The following SORT1 variants were observed in gnomAD, a reference collection of about 807,000 sequenced individuals.
The protein encoded by SORT1 is sortilin 1.
SORT1 carries 39 observed loss-of-function variants against 101.7 expected under a neutral mutation model. The ratio of observed to expected loss-of-function variants is 0.38; its 90% CI spans 0.30 to 0.50. SORT1 has a LOEUF of 0.50. Among genes scored for constraint, SORT1 ranks in the 20% least tolerant of loss-of-function variants. The pLI, the probability that SORT1 is intolerant of heterozygous loss-of-function variation, is 0.90. For synonymous variants in SORT1, 396 were observed against 393.7 expected (o/e 1.01, Z -0.07); for missense variants, 878 against 1,040.4 (o/e 0.84, Z 2.15).
In SORT1 at chr1:109,312,776, TAG is replaced by T. The variant is rs1658802814; in HGVS notation, c.*1265_*1266del. 1 of 152,256 alleles carries T rather than the reference TAG, an allele frequency of 6.6e-6. No homozygotes were observed. Among genetic ancestry groups the T allele is most frequent in the African/African-American group, 2.4e-5 (1 of 41,458 alleles). The allele number at this position is 152,256 out of a possible 1,614,324, so 9.4% of individuals were successfully genotyped here. ...ACTACATTCTATAATTTATTTAATT[TAG>T]AGAGGTATCAAATGGAAAACTTCTT... On this transcript the variant is annotated 3_prime_UTR_variant, in exon 20 of 20. Coordinates refer to ENST00000256637, the MANE Select transcript of SORT1 (RefSeq NM_002959.7).
At chr1:109,354,591 T>C (rs985329148) in intron 4 of SORT1, 60 bp from the exon 5 acceptor site, 3 of 1,266,814 alleles carry the variant, frequency 2.4e-6, no homozygotes, top group Non-Finnish European at 3.3e-6. Context: ...AGCACAGGAG[T>C]TCTTACACCA....
intron 13 of SORT1, among the ~76,000 whole-genome samples, chr1:109,325,322 C>T (rs1570896570): frequency 6.9e-6 from 1 of 144,480 alleles, no homozygotes; most frequent in African/African-American, 2.5e-5. Context: ...ACTGCAACCT[C>T]TGCCTCCTGG....
At chr1:109,332,719 T>C (rs1024224429) in intron 11 of SORT1, among the ~76,000 whole-genome samples, 1 of 152,266 alleles carries the variant, frequency 6.6e-6, no homozygotes. Context: ...AAATATATTA[T>C]TGAGCTATAG....
At chr1:109,330,273 G>A (rs550742730) in intron 11 of SORT1, among the ~76,000 whole-genome samples, 75 of 152,278 alleles carry the variant, frequency 4.9e-4, no homozygotes, top group Non-Finnish European at 7.8e-4. Flanking sequence ...GATTATAGGC[G>A]TGAGCCAGTG....
rs1235781654 is a variant in SORT1, at chr1:109,312,575, G to C, written c.*1468C>G. On this transcript the variant is annotated 3_prime_UTR_variant, in exon 20 of 20. Coordinates refer to ENST00000256637, the MANE Select transcript of SORT1 (RefSeq NM_002959.7). Reference sequence around the variant, plus strand: ...CCACAAAATAAACTAGTAGCAAATGGTATCTACCAAAGAATGTCCCAGTCA... The same window carrying C: ...CCACAAAATAAACTAGTAGCAAATGCTATCTACCAAAGAATGTCCCAGTCA... 1 of 151,580 alleles carries C rather than the reference G, an allele frequency of 6.6e-6. No homozygotes were observed. Among genetic ancestry groups the C allele is most frequent in the African/African-American group, 2.4e-5 (1 of 41,154 alleles). 9.4% of individuals were successfully genotyped at this position (151,580 alleles called of 1,614,324 possible).
At chr1:109,331,486 T>C (rs75440991) in intron 11 of SORT1, among the ~76,000 whole-genome samples, 3,505 of 152,178 alleles carry the variant, frequency 0.023, 143 homozygotes, top group African/African-American at 0.079. Context: ...AACCCATTCA[T>C]GATAAAAACT....
At chr1:109,318,665 C>T (rs1647409239) in intron 15 of SORT1, among the ~76,000 whole-genome samples, 1 of 152,052 alleles carries the variant, frequency 6.6e-6, no homozygotes, top group South Asian at 2.1e-4. Flanking sequence ...TTCCCCCTCC[C>T]CGCTTTTTTT....
At chr1:109,328,456 C>T (rs1403414983) in intron 11 of SORT1, among the ~76,000 whole-genome samples, 1 of 152,148 alleles carries the variant, frequency 6.6e-6, no homozygotes, top group East Asian at 1.9e-4. Flanking sequence ...GTGGTTTTGA[C>T]TTGCATTTTC....
intron 6 of SORT1, among the ~76,000 whole-genome samples, chr1:109,348,924 G>A (rs1182406121): frequency 2.0e-5 from 3 of 151,988 alleles, no homozygotes; most frequent in South Asian, 2.1e-4. Flanking sequence ...AGCAGAGATC[G>A]TGCCACTACA....
intron 3 of SORT1, among the ~76,000 whole-genome samples, chr1:109,356,555 G>A (rs1240979721): frequency 6.6e-6 from 1 of 152,088 alleles, no homozygotes; most frequent in East Asian, 1.9e-4. Context: ...TGCTCCCAAA[G>A]GCTTCTAACT....
chr1:109,322,854 G>C, intron 15 of SORT1, 78 bp downstream of exon 15: 1 of 1,198,584 alleles, frequency 8.3e-7, no homozygotes, highest in African/African-American at 1.5e-5. Context: ...TTCAATATTT[G>C]TTAGCCCTAT....
chr1:109,336,172 A>C lies in SORT1; in HGVS notation c.1371+68T>G. 5 of 944,734 alleles carry C rather than the reference A, an allele frequency of 5.3e-6. No individual in the cohort carries two copies. The South Asian group carries it at 6.9e-5, about 13-fold the overall frequency. 58.5% of individuals were successfully genotyped at this position (944,734 alleles called of 1,614,324 possible). A position where few individuals can be genotyped will look rare whatever the true frequency, so the allele number is the denominator to read the frequency against. The stretch of plus-strand genomic sequence containing the variant: ...ATCAAGTATGAAACTTCATCATCCA[A>C]AAGGCTGGCACTGATCAGAGCACAA... On this transcript the variant is annotated intron_variant, in intron 11 of 19. Transcript: ENST00000256637.
chr1:109,380,887 G>C (rs987711282), intron 1 of SORT1, among the ~76,000 whole-genome samples: 1 of 150,722 alleles, frequency 6.6e-6, no homozygotes, highest in Non-Finnish European at 1.5e-5. Context: ...AGCTACTCAG[G>C]AGGCTGAGAT....
At chr1:109,351,682 G>A (rs1212955491) in intron 5 of SORT1, among the ~76,000 whole-genome samples, 1 of 152,208 alleles carries the variant, frequency 6.6e-6, no homozygotes. Flanking sequence ...GGACTCCAGG[G>A]TTTATTGCAT....
intron 4 of SORT1, 66 bp from the exon 5 acceptor site, chr1:109,354,597 C>T: frequency 8.7e-7 from 1 of 1,142,990 alleles, no homozygotes; most frequent in Non-Finnish European, 1.2e-6. Context: ...GGAGTTCTTA[C>T]ACCATTTTCA....
intron 8 of SORT1, among the ~76,000 whole-genome samples, chr1:109,343,586 C>T (rs1649374240): frequency 6.6e-6 from 1 of 152,132 alleles, no homozygotes; most frequent in Non-Finnish European, 1.5e-5. Context: ...ATTCATATAC[C>T]CAAATGCTCA....
At chr1:109,340,698 T>C in intron 10 of SORT1, 26 bp downstream of exon 10, 1 of 1,613,290 alleles carries the variant, frequency 6.2e-7, no homozygotes, top group South Asian at 1.1e-5. Flanking sequence ...GAAGGCACAG[T>C]ACACCACTGC....
At chr1:109,380,545 G>A (rs1318109910) in intron 1 of SORT1, among the ~76,000 whole-genome samples, 2 of 151,904 alleles carry the variant, frequency 1.3e-5, no homozygotes, top group Admixed American at 1.3e-4. Flanking sequence ...TATTAATATA[G>A]AAAGGGTTTT....
intron 10 of SORT1, 63 bp from the exon 11 acceptor site, chr1:109,336,409 T>C (rs924796227): frequency 2.3e-5 from 24 of 1,026,498 alleles, no homozygotes; most frequent in Middle Eastern, 4.0e-4. Context: ...AGATTCACTT[T>C]ATCACTGCAT....
Sources: gnomAD v4.1 joint callset for allele counts (sites outside exome capture counted in the v4.1 genomes callset) on GRCh38, gnomAD v4.1.1 for gene constraint, MANE v1.5 for transcripts, NCBI Gene and HGNC (gene_info 2026-07-23, HGNC 2026-07-21) for gene names.